Variants in TTN observed in about 807,000 individuals in gnomAD.
TTN encodes connectin.
TTN carries 1,525 observed loss-of-function variants against 3,223.0 expected under a neutral mutation model. That is an observed-to-expected ratio of 0.47 (90% CI 0.45 to 0.49). The LOEUF (loss-of-function observed/expected upper bound fraction) is 0.49, where lower values mean the gene tolerates loss of function less well. TTN is among the 20% of genes least tolerant of loss of function. TTN has a pLI of 0.00. For synonymous variants in TTN, 14,094 were observed against 15,161.0 expected, an observed-to-expected ratio of 0.93 and a Z score of 5.17; for missense variants, 40,786 against 43,424.0, an observed-to-expected ratio of 0.94 and a Z score of 5.40.
chr2:178,559,234 C>A (rs929335339), intron 326 of TTN, 77 bp downstream of exon 326: 16 of 1,329,658 alleles, frequency 1.2e-5, no homozygotes, highest in Admixed American at 2.3e-5. Flanking sequence ...GATGAAATAA[C>A]GACTAATTAG....
chr2:178,562,517 A>C lies in TTN; in HGVS notation c.83615T>G (p.Leu27872Arg). The change falls in exon 326 of 363, where the codon CTT (leucine) becomes CGT (arginine). Residue 27872 changes from leucine (L) to arginine (R), a missense_variant. By Grantham distance (102) the Leu-to-Arg change is moderately radical. Coordinates refer to ENST00000589042, the MANE Select transcript of TTN (RefSeq NM_001267550.2). The stretch of plus-strand genomic sequence containing the variant: ...AGCTGTATTACGGGTCACATCAACA[A>C]GAGTTACTCTTCCAGGTGGGAGGGG... Reference protein sequence around the residue: ...EPPLPPGRVTLVDVTRNTATI... With the variant: ...EPPLPPGRVTRVDVTRNTATI... The C allele has an allele frequency of 1.2e-6, 2 of 1,611,442 alleles. No homozygotes were observed. Among genetic ancestry groups the C allele is most frequent in the South Asian group, 2.2e-5 (2 of 90,284 alleles).
intron 214 of TTN, 34 bp from the exon 215 acceptor site, chr2:178,647,178 A>G (rs1486506302): frequency 7.8e-7 from 1 of 1,288,710 alleles, no homozygotes; most frequent in Non-Finnish European, 1.0e-6. Context: ...TTTAGACTAT[A>G]TTTAGAACAG....
At position 178,650,231 on chromosome 2, in the gene TTN, A is replaced by G. The variant is rs1314911534; in HGVS notation, c.39750T>C (p.Ile13250=). 6.4e-7 allele frequency: 1 copy of G among 1,555,238 alleles called. No individual in the cohort carries two copies. The highest frequency in any genetic ancestry group is 8.7e-7 in the Non-Finnish European group (1 of 1,149,200). The change falls in exon 210 of 363, where the codon ATT becomes ATC. Residue 13250 remains isoleucine (I), a synonymous_variant. Coordinates refer to ENST00000589042, the MANE Select transcript of TTN (RefSeq NM_001267550.2). ...GAACTGGCTTTTCCTCTTCAGGAGC[A>G]ATTTCCTCTTCAGGAGCAATTTCCT... ...EPEEIAPEEE[I]APEEEKPVPV...
At position 178,589,640 on chromosome 2, in the gene TTN, A is replaced by G. The variant is rs2154183924; in HGVS notation, c.62085T>C (p.Asp20695=). 6.2e-7 allele frequency: 1 copy of G among 1,613,430 alleles called. No individual in the cohort carries two copies. The highest frequency in any genetic ancestry group is 8.5e-7 in the Non-Finnish European group (1 of 1,179,584). ...GATATGACAGATTTGGACTGCCACC[A>G]TCATAGTCAGGCCTCCGCCACTTTA... is the stretch of plus-strand genomic sequence containing the variant. The part of the protein sequence containing the change: ...VYLKWRRPDY[D]GGSPNLSYHV... The change falls in exon 304 of 363, where the codon GAT becomes GAC. Residue 20695 remains aspartate, a synonymous_variant. Coordinates refer to ENST00000589042, the MANE Select transcript of TTN (RefSeq NM_001267550.2).
chr2:178,771,251 C>G lies in TTN; in HGVS notation c.8076G>C (p.Lys2692Asn). 12 of 1,614,046 alleles carry G rather than the reference C, an allele frequency of 7.4e-6. No homozygotes were observed. The highest frequency in any genetic ancestry group is 9.3e-6 in the Non-Finnish European group (11 of 1,180,004). Residue 2692 changes from lysine to asparagine, a missense_variant, in exon 34 of 363, where the codon AAG becomes AAC. Lys to Asn is a moderately conservative substitution (Grantham distance 94). Transcript: ENST00000589042. ...KLDDIGEYTY[K>N]VATSKTSAKL... is the part of the protein sequence containing the mutation. ...TGGCAGATGTTTTGGAGGTGGCCAC[C>G]TTGTAGGTATATTCTCCAATGTCAT...
chr2:178,721,971 T>A lies in TTN; in HGVS notation c.22692A>T (p.Thr7564=), dbSNP rs187182557. 1.8e-4 allele frequency: 285 copies of A among 1,613,600 alleles called. 1 individual carries two copies. The African/African-American group carries it at 3.5e-3, about 20-fold the overall frequency. The change falls in exon 78 of 363, where the codon ACA becomes ACT. Residue 7564 remains threonine (T), a synonymous_variant. Coordinates refer to ENST00000589042, the MANE Select transcript of TTN (RefSeq NM_001267550.2). The stretch of plus-strand genomic sequence containing the variant: ...TCAAATGAGGAGTGTTTCCCACACA[T>A]GTGATTGTATAGTTTCCTCCAGGAC... ...EIRPGGNYTI[T]CVGNTPHLRI...
In TTN at chr2:178,613,928, C is replaced by T; in HGVS notation, c.49355G>A (p.Gly16452Asp). Residue 16452 changes from glycine to aspartate, a missense_variant, in exon 263 of 363, where the codon GGT (glycine) becomes GAT (aspartate). By Grantham distance (94) the Gly-to-Asp change is moderately conservative. Coordinates refer to ENST00000589042, the MANE Select transcript of TTN (RefSeq NM_001267550.2). ...AGAAGGTTCTAGGCGAGTTGGAGGA[C>T]CAGGTGGATCTATAGACAGGATAAT... ...ITAKYQFDPPGPPTRLEPSDI... is the reference protein window; with the variant it reads ...ITAKYQFDPPDPPTRLEPSDI... 6.2e-7 allele frequency: 1 copy of T among 1,607,174 alleles called. No individual in the cohort carries two copies. The highest frequency in any genetic ancestry group is 8.5e-7 in the Non-Finnish European group (1 of 1,176,634).
Position 178,570,318 on chromosome 2 carries a change from C to T in TTN, c.75814G>A (p.Gly25272Ser), listed in dbSNP as rs377704090. Reference protein sequence around the residue: ...LSCKVTKLLEGNEYTFRIMAV... With the variant: ...LSCKVTKLLESNEYTFRIMAV... Reference sequence around the variant, plus strand: ...ATTATACGGAAAGTATATTCATTGCCTTCAAGAAGCTTAGTAACCTTGCAG... The same window carrying T: ...ATTATACGGAAAGTATATTCATTGCTTTCAAGAAGCTTAGTAACCTTGCAG... The change falls in exon 326 of 363, where the codon GGC becomes AGC. Residue 25272 changes from glycine (G) to serine (S), a missense_variant. Transcript: ENST00000589042. 4 of 1,613,196 alleles carry T rather than the reference C, an allele frequency of 2.5e-6. No homozygotes were observed. The highest frequency in any genetic ancestry group is 3.4e-6 in the Non-Finnish European group (4 of 1,179,608).
intron 240 of TTN, among the ~76,000 whole-genome samples, chr2:178,628,411 C>T (rs1309839888): frequency 2.0e-5 from 3 of 151,936 alleles, no homozygotes; most frequent in Non-Finnish European, 4.4e-5. Context: ...AATGTACTGT[C>T]CTGTGCTTTA....
chr2:178,580,333 A>G lies in TTN; in HGVS notation c.67046T>C (p.Val22349Ala). ...SCGKKEYTIV[V>A]KVLDTPGPPV... ...TGAAATAGACTTACCAAGCACTTTC[A>G]CAACAATGGTATATTCCTTTTTACC... Residue 22349 changes from valine (V) to alanine (A), a missense_variant, in exon 317 of 363, where the codon GTG (valine) becomes GCG (alanine). Coordinates refer to ENST00000589042, the MANE Select transcript of TTN (RefSeq NM_001267550.2). 6.2e-7 allele frequency: 1 copy of G among 1,612,636 alleles called. No individual in the cohort carries two copies. The highest frequency in any genetic ancestry group is 8.5e-7 in the Non-Finnish European group (1 of 1,179,300).
intron 12 of TTN, 63 bp from the exon 13 acceptor site, chr2:178,789,560 C>A (rs1397863418): frequency 6.9e-6 from 11 of 1,599,684 alleles, no homozygotes; most frequent in South Asian, 3.3e-5. Context: ...ATAGTATGAC[C>A]CTTCCCCCTT....
intron 127 of TTN, among the ~76,000 whole-genome samples, chr2:178,687,702 T>C (rs756239096): frequency 2.8e-4 from 42 of 152,368 alleles, no homozygotes; most frequent in South Asian, 8.3e-4. Context: ...AATATATTTC[T>C]GTCTGTGGAT....
Position 178,777,947 on chromosome 2 carries a change from A to G in TTN, c.4237T>C (p.Ser1413Pro), listed in dbSNP as rs2092401078. 6.2e-7 allele frequency: 1 copy of G among 1,613,914 alleles called. No individual in the cohort carries two copies. Among genetic ancestry groups the G allele is most frequent in the Non-Finnish European group, 8.5e-7 (1 of 1,179,904 alleles). ...CGTGCAGGAGACATGCGTATAGGAG[A>G]CCTGCTCACTGAACGTGGAGAGAGA... The part of the protein sequence containing the change: ...RSLSPRSVSR[S>P]PIRMSPARMS... Residue 1413 changes from serine to proline, a missense_variant, in exon 25 of 363, where the codon TCT becomes CCT. Transcript: ENST00000589042.
chr2:178,698,939 A>G (rs1393221722), intron 111 of TTN, 25 bp from the exon 112 acceptor site: 1 of 1,486,918 alleles, frequency 6.7e-7, no homozygotes, highest in Non-Finnish European at 8.9e-7. Flanking sequence ...AAAGAAAAAA[A>G]AAGAAAAAAT....
Position 178,630,196 on chromosome 2 carries a change from G to T in TTN, c.44281+45C>A, listed in dbSNP as rs370032803. ...TTAATTTCACTCACATTCATTTTCTGAAAAAGTGTTTATTTAATTTCCCTG... is the reference window on the plus strand; with the variant it reads ...TTAATTTCACTCACATTCATTTTCTTAAAAAGTGTTTATTTAATTTCCCTG... On this transcript the variant is annotated intron_variant, in intron 239 of 362. Transcript: ENST00000589042. 1,989 of 1,608,806 alleles carry T rather than the reference G, an allele frequency of 1.2e-3. 3 individuals are homozygous for T. Among genetic ancestry groups the T allele is most frequent in the Non-Finnish European group, 1.3e-3 (1,474 of 1,177,712 alleles).
In TTN at chr2:178,673,715, A is replaced by C. The variant is rs1445936627; in HGVS notation, c.34709-5T>G. 4.4e-6 allele frequency: 7 copies of C among 1,585,026 alleles called. No homozygotes were observed. In the South Asian group the frequency reaches 7.2e-5, roughly 16 times the overall value. The stretch of plus-strand genomic sequence containing the variant: ...CTTTCTTAATCACTTCAGGCACTTA[A>C]AAGAAATTTTATGAACATTTTGAAA... On this transcript the variant is annotated splice_region_variant and splice_polypyrimidine_tract_variant and intron_variant, in intron 151 of 362. Transcript: ENST00000589042.
rs764746720 is a variant in TTN, at chr2:178,714,512, C to A, written c.26262G>T (p.Gln8754His). The A allele has an allele frequency of 5.6e-6, 9 of 1,613,194 alleles. No homozygotes were observed. The South Asian group carries it at 9.9e-5, about 18-fold the overall frequency. ...CAGCGCCTTCAATGGTAGTCTGCAG[C>A]TGAACTTCTTTACCAACGACAGTAG... ...DISTVVGKEV[Q>H]LQTTIEGAEP... Residue 8754 changes from glutamine (Q) to histidine (H), a missense_variant, in exon 91 of 363, where the codon CAG (glutamine) becomes CAT (histidine). Coordinates refer to ENST00000589042, the MANE Select transcript of TTN (RefSeq NM_001267550.2).
In TTN at chr2:178,589,845, A is replaced by G; in HGVS notation, c.61880T>C (p.Leu20627Ser). The G allele has an allele frequency of 6.2e-7, 1 of 1,613,488 alleles. No individual in the cohort carries two copies. Among genetic ancestry groups the G allele is most frequent in the Non-Finnish European group, 8.5e-7 (1 of 1,179,608 alleles). The change falls in exon 304 of 363, where the codon TTA becomes TCA. Residue 20627 changes from leucine to serine, a missense_variant. Physicochemically the swap from Leu to Ser is moderately radical, Grantham distance 145. Transcript: ENST00000589042. ...GTTGGCTAAAAGGTTGGCCTTGATT[A>G]ATCGTTTAGTGACATCTGATGCAAC... Reference protein sequence around the residue: ...SIVASDVTKRLIKANLLANNE... With the variant: ...SIVASDVTKRSIKANLLANNE...
Position 178,580,491 on chromosome 2 carries a change from A to G in TTN, c.66888T>C (p.Ser22296=), listed in dbSNP as rs2047446590. 1.2e-6 allele frequency: 2 copies of G among 1,613,024 alleles called. No homozygotes were observed. Among genetic ancestry groups the G allele is most frequent in the Non-Finnish European group, 8.5e-7 (1 of 1,179,394 alleles). The change falls in exon 317 of 363, where the codon TCT becomes TCC. Residue 22296 remains serine (S), a synonymous_variant. Transcript: ENST00000589042. The part of the protein sequence containing the change: ...KGRPPPKITW[S]KPNVNLRDRI... ...TGTCTCTTAGATTGACATTTGGTTTAGACCAAGTAATCTTTGGAGGTGGGC... is the reference window on the plus strand; with the variant it reads ...TGTCTCTTAGATTGACATTTGGTTTGGACCAAGTAATCTTTGGAGGTGGGC...
Sources: gnomAD v4.1 joint callset for allele counts (sites outside exome capture counted in the v4.1 genomes callset) on GRCh38, gnomAD v4.1.1 for gene constraint, MANE v1.5 for transcripts, NCBI Gene and HGNC (gene_info 2026-07-23, HGNC 2026-07-21) for gene names.